The following GALNT13 variants were observed in gnomAD, a reference collection of about 807,000 sequenced individuals.
GALNT13 encodes polypeptide N-acetylgalactosaminyltransferase 13, also known as UDP-GalNAc:polypeptide N-acetylgalactosaminyltransferase 13.
GALNT13 carries 28 observed loss-of-function variants against 64.2 expected under a neutral mutation model. That is an observed-to-expected ratio of 0.44 (90% CI 0.32 to 0.60). The LOEUF is 0.60. GALNT13 is among the 20% of genes least tolerant of loss of function. GALNT13 has a pLI of 0.05. For missense variants in GALNT13, 577 were observed against 669.8 expected, an observed-to-expected ratio of 0.86 and a Z score of 1.53; for synonymous variants, 214 against 224.6, an observed-to-expected ratio of 0.95 and a Z score of 0.42.
chr2:153,461,889 T>G, the GALNT13 span, among the ~76,000 whole-genome samples: 3 of 152,076 alleles, frequency 2.0e-5, no homozygotes, highest in African/African-American at 7.2e-5. Context: ...AGGAAGAAGG[T>G]GGGTGAGATG....
chr2:153,357,336 A>T, the GALNT13 span: 1 of 152,198 alleles, frequency 6.6e-6, no homozygotes, highest in Non-Finnish European at 1.5e-5. Context: ...AAAACTGAAT[A>T]CTGAAGGTGT....
chr2:153,544,663 A>G, the GALNT13 span, among the ~76,000 whole-genome samples: 1 of 152,190 alleles, frequency 6.6e-6, no homozygotes, highest in African/African-American at 2.4e-5. Flanking sequence ...AGATTTCTCT[A>G]TTTATTTAGA....
chr2:153,245,898 T>C, the GALNT13 span, among the ~76,000 whole-genome samples: 1 of 152,060 alleles, frequency 6.6e-6, no homozygotes, highest in Non-Finnish European at 1.5e-5. Context: ...GCTAAGAATC[T>C]TGATAAAAGG....
the GALNT13 span, among the ~76,000 whole-genome samples, chr2:153,233,486 TA>T: frequency 2.1e-3 from 318 of 150,456 alleles, 1 homozygote; most frequent in African/African-American, 6.9e-3. Flanking sequence ...ACCTTATTTT[TA>T]AAAAAAAAAA....
At chr2:153,562,709 G>A in the GALNT13 span, among the ~76,000 whole-genome samples, 4 of 151,756 alleles carry the variant, frequency 2.6e-5, no homozygotes, top group Non-Finnish European at 5.9e-5. Flanking sequence ...AAGTTATTTT[G>A]GTTCAATTCA....
the GALNT13 span, among the ~76,000 whole-genome samples, chr2:153,595,185 T>C: frequency 6.6e-6 from 1 of 151,986 alleles, no homozygotes; most frequent in Non-Finnish European, 1.5e-5. Context: ...GGTTTACTTA[T>C]ATGATTTGAA....
intron 3 of GALNT13, among the ~76,000 whole-genome samples, chr2:154,098,174 C>T (rs1455757974): frequency 3.4e-4 from 50 of 145,240 alleles, no homozygotes; most frequent in Admixed American, 3.2e-3. Context: ...ATATTTTGAA[C>T]GGCACTGACC....
upstream of GALNT13, among the ~76,000 whole-genome samples, chr2:153,871,455 C>G (rs1216702542): frequency 6.6e-6 from 1 of 152,212 alleles, no homozygotes; most frequent in Non-Finnish European, 1.5e-5. Flanking sequence ...GGCTGGAGAG[C>G]CGACGGCAAG....
chr2:154,400,369 G>A (rs1343721378), intron 10 of GALNT13, among the ~76,000 whole-genome samples: 2 of 152,070 alleles, frequency 1.3e-5, no homozygotes, highest in Non-Finnish European at 2.9e-5. Context: ...ATGAAATTGG[G>A]TGGCTTTAAC....
At chr2:153,668,959 A>G in the GALNT13 span, among the ~76,000 whole-genome samples, 37,789 of 152,114 alleles carry the variant, frequency 0.25, 5,802 homozygotes, top group Middle Eastern at 0.46. Flanking sequence ...TGAGGACAGA[A>G]CAGGAAAATC....
intron 4 of GALNT13, among the ~76,000 whole-genome samples, chr2:154,237,390 G>A (rs79779544): frequency 0.041 from 6,225 of 151,094 alleles, 188 homozygotes; most frequent in Non-Finnish European, 0.058. Context: ...TATTAGCCAA[G>A]TTCTATCTAT....
At chr2:153,352,472 T>C in the GALNT13 span, among the ~76,000 whole-genome samples, 4 of 152,138 alleles carry the variant, frequency 2.6e-5, no homozygotes, top group Admixed American at 2.0e-4. Context: ...CTCAGTCTCT[T>C]AATCCTTTCT....
chr2:154,094,333 T>C (rs964242114), intron 3 of GALNT13, among the ~76,000 whole-genome samples: 20 of 151,974 alleles, frequency 1.3e-4, no homozygotes, highest in African/African-American at 4.8e-4. Context: ...CTTGCTCAGC[T>C]GTAAGCTTTG....
chr2:153,408,627 GTGTTTTTTGTTGTTGT>G, the GALNT13 span, among the ~76,000 whole-genome samples: 2 of 151,908 alleles, frequency 1.3e-5, no homozygotes, highest in African/African-American at 4.8e-5. Flanking sequence ...CCCACAGTTG[GTGTTTTTTGTTGTTGT>G]TGTTTTTTGT....
the GALNT13 span, among the ~76,000 whole-genome samples, chr2:153,531,477 C>T: frequency 2.0e-5 from 3 of 152,286 alleles, no homozygotes; most frequent in Admixed American, 6.5e-5. Flanking sequence ...CACCAGTCTC[C>T]ACCTCCAGCA....
At chr2:153,301,309 C>CAAAAAAA in the GALNT13 span, among the ~76,000 whole-genome samples, 17 of 76,388 alleles carry the variant, frequency 2.2e-4, no homozygotes, top group Admixed American at 3.6e-4. Flanking sequence ...GACTCCTTCT[C>CAAAAAAA]AAAAAAAAAG....
At chr2:153,561,115 A>G in the GALNT13 span, among the ~76,000 whole-genome samples, 1 of 151,514 alleles carries the variant, frequency 6.6e-6, no homozygotes, top group African/African-American at 2.4e-5. Context: ...TGATTTGGAG[A>G]TGTTAATTAT....
At chr2:154,195,624 G>A (rs1253281144) in intron 4 of GALNT13, among the ~76,000 whole-genome samples, 1 of 151,508 alleles carries the variant, frequency 6.6e-6, no homozygotes, top group East Asian at 1.9e-4. Context: ...TTAATTTTTG[G>A]TCCATCCTTT....
At chr2:154,261,357 A>G (rs1209901348) in intron 8 of GALNT13, among the ~76,000 whole-genome samples, 3 of 152,128 alleles carry the variant, frequency 2.0e-5, no homozygotes, top group Admixed American at 6.6e-5. Context: ...TTTAATAGAA[A>G]CAAAATATGT....
Sources: gnomAD v4.1 joint callset for allele counts (sites outside exome capture counted in the v4.1 genomes callset) on GRCh38, gnomAD v4.1.1 for gene constraint, MANE v1.5 for transcripts, NCBI Gene and HGNC (gene_info 2026-07-23, HGNC 2026-07-21) for gene names.